Variants in CMPK1 observed in about 807,000 individuals in gnomAD.
CMPK1 encodes the protein cytidine/uridine monophosphate kinase 1.
In CMPK1, 10 loss-of-function variants were observed where a neutral mutation model predicts 25.7. The ratio of observed to expected loss-of-function variants is 0.39; its 90% CI spans 0.24 to 0.66. The LOEUF (loss-of-function observed/expected upper bound fraction) is 0.66. Among genes scored for constraint, CMPK1 ranks in the 30% least tolerant of loss-of-function variants. The pLI, the probability that CMPK1 is intolerant of heterozygous loss-of-function variation, is 0.48. For synonymous variants in CMPK1, 106 were observed against 101.5 expected (o/e 1.04, Z -0.27); for missense variants, 199 against 280.5 (o/e 0.71, Z 2.08).
At chr1:47,363,937 C>T (rs1367339453) in intron 1 of CMPK1, among the ~76,000 whole-genome samples, 6 of 151,124 alleles carry the variant, frequency 4.0e-5, no homozygotes, top group African/African-American at 1.4e-4. Context: ...ACCGAGATTC[C>T]GTCTAAAAGG....
In CMPK1 at chr1:47,334,031, C is replaced by T. The variant is rs551791701; in HGVS notation, c.86C>T (p.Ser29Phe). ...ACCCGCCGGCCGATTCTCCTCTGCTCTCCACGTCTCATGAAGCCGCTGGTC... is the reference window on the plus strand; with the variant it reads ...ACCCGCCGGCCGATTCTCCTCTGCTTTCCACGTCTCATGAAGCCGCTGGTC... ...LQTRRPILLC[S>F]PRLMKPLVVF... Residue 29 changes from serine (S) to phenylalanine (F), a missense_variant, in exon 1 of 6, where the codon TCT (serine) becomes TTT (phenylalanine). Physicochemically the swap from Ser to Phe is radical, Grantham distance 155. Transcript: ENST00000371873. The T allele has an allele frequency of 2.6e-6, 4 of 1,556,080 alleles. No individual in the cohort carries two copies. Among genetic ancestry groups the T allele is most frequent in the East Asian group, 2.4e-5 (1 of 41,124 alleles).
intron 1 of CMPK1, chr1:47,358,946 T>G (rs955485084): frequency 1.3e-5 from 13 of 985,062 alleles, no homozygotes; most frequent in Admixed American, 1.2e-4. Flanking sequence ...GTTGAATCTT[T>G]TGGGCCAACT....
chr1:47,376,176 A>G (rs1381045682), intron 5 of CMPK1, among the ~76,000 whole-genome samples: 2 of 151,904 alleles, frequency 1.3e-5, no homozygotes, highest in Non-Finnish European at 2.9e-5. Context: ...TATTATTTAT[A>G]TAATATTACT....
intron 1 of CMPK1, among the ~76,000 whole-genome samples, chr1:47,356,620 ATAAT>A (rs1462233910): frequency 8.6e-5 from 13 of 150,314 alleles, no homozygotes; most frequent in African/African-American, 3.2e-4. Context: ...GGAAAACTGA[ATAAT>A]TACAGTATGA....
At chr1:47,348,165 T>C (rs936449240) in intron 1 of CMPK1, among the ~76,000 whole-genome samples, 1 of 152,072 alleles carries the variant, frequency 6.6e-6, no homozygotes, top group Admixed American at 6.6e-5. Flanking sequence ...ATTAGAGAAA[T>C]CAATCTAGTA....
chr1:47,368,687 C>G, intron 2 of CMPK1, 72 bp downstream of exon 2: 1 of 1,340,060 alleles, frequency 7.5e-7, no homozygotes, highest in Non-Finnish European at 9.9e-7. Flanking sequence ...TTTGGCCAGG[C>G]AGTTGCTCAT....
rs10623948 is a variant in CMPK1, at chr1:47,365,633, C to CAAAAAAAAAAAA, written c.172-2830_172-2819dup. Reference sequence around the variant, plus strand: ...TGGGTGACAGAGTGAGACCCTGTCTCAAAAAAAAAAAAAAAAAGTGAGAGA... The same window carrying CAAAAAAAAAAAA: ...TGGGTGACAGAGTGAGACCCTGTCTCAAAAAAAAAAAAAAAAAAAAAAAAAAAAAGTGAGAGA... On this transcript the variant is annotated intron_variant, in intron 1 of 5. Transcript: ENST00000371873. 1.5e-3 allele frequency among the ~76,000 whole-genome samples: 158 copies of CAAAAAAAAAAAA among 108,176 alleles called. 3 individuals are homozygous for CAAAAAAAAAAAA. The highest frequency in any genetic ancestry group is 0.01 in the Middle Eastern group (2 of 198). 71.0% of individuals were successfully genotyped at this position (108,176 alleles called of 152,430 possible). A position where few individuals can be genotyped will look rare whatever the true frequency, so the allele number is the denominator to read the frequency against.
At chr1:47,360,692 C>T (rs554311453) in intron 1 of CMPK1, among the ~76,000 whole-genome samples, 3 of 152,312 alleles carry the variant, frequency 2.0e-5, no homozygotes, top group African/African-American at 7.2e-5. Context: ...AACCCTTTTC[C>T]TTCCTCTGTG....
intron 1 of CMPK1, among the ~76,000 whole-genome samples, chr1:47,335,874 C>T (rs1448853154): frequency 1.3e-5 from 2 of 151,860 alleles, no homozygotes; most frequent in African/African-American, 4.8e-5. Context: ...AGCGATTTTC[C>T]TGCCTCAGCC....
At chr1:47,361,840 T>C (rs1646604858) in intron 1 of CMPK1, among the ~76,000 whole-genome samples, 1 of 151,550 alleles carries the variant, frequency 6.6e-6, no homozygotes, top group African/African-American at 2.4e-5. Flanking sequence ...CTTTTTCTCC[T>C]TTCTAGGATA....
intron 1 of CMPK1, among the ~76,000 whole-genome samples, chr1:47,339,810 C>G (rs946322917): frequency 6.7e-6 from 1 of 149,306 alleles, no homozygotes; most frequent in Non-Finnish European, 1.5e-5. Context: ...CGGGTTCAAG[C>G]GATTCTCCTC....
chr1:47,346,529 A>G (rs543623627), intron 1 of CMPK1, among the ~76,000 whole-genome samples: 42 of 146,202 alleles, frequency 2.9e-4, no homozygotes, highest in Middle Eastern at 7.1e-3. Context: ...TTTGAGTCGG[A>G]GTTTCACTCT....
rs571384093 is a variant in CMPK1 at position 47,369,892 on chromosome 1, C to T, written c.318+1277C>T. 8.4e-3 allele frequency among the ~76,000 whole-genome samples: 1,081 copies of T among 128,374 alleles called. 13 individuals are homozygous for T. Among genetic ancestry groups the T allele is most frequent in the African/African-American group, 0.029 (1,013 of 34,634 alleles). The allele number at this position is 128,374 out of a possible 152,430, so 84.2% of individuals were successfully genotyped here. On this transcript the variant is annotated intron_variant, in intron 2 of 5. Transcript: ENST00000371873. Reference sequence around the variant, plus strand: ...TTTTTTTTTTTAAATAAACCTCTTTCTTTCTTCTTTCTCTCTCTTTTTTTT... The same window carrying T: ...TTTTTTTTTTTAAATAAACCTCTTTTTTTCTTCTTTCTCTCTCTTTTTTTT...
intron 1 of CMPK1, among the ~76,000 whole-genome samples, chr1:47,345,383 T>C (rs1253728166): frequency 2.0e-5 from 3 of 152,116 alleles, no homozygotes; most frequent in Non-Finnish European, 4.4e-5. Context: ...AGTAAGTAAT[T>C]AGGTCTAAAC....
At chr1:47,360,769 C>T (rs900288258) in intron 1 of CMPK1, among the ~76,000 whole-genome samples, 1 of 152,090 alleles carries the variant, frequency 6.6e-6, no homozygotes, top group Non-Finnish European at 1.5e-5. Context: ...CGAAGTGTTG[C>T]CTGAATTAAG....
intron 2 of CMPK1, among the ~76,000 whole-genome samples, chr1:47,370,677 G>A (rs569295876): frequency 5.4e-4 from 80 of 149,384 alleles, no homozygotes; most frequent in Admixed American, 4.5e-3. Context: ...GGTGGCTCAC[G>A]CCTGTAATCC....
chr1:47,339,130 C>T (rs980915280), intron 1 of CMPK1, among the ~76,000 whole-genome samples: 6 of 151,490 alleles, frequency 4.0e-5, no homozygotes, highest in African/African-American at 1.5e-4. Flanking sequence ...ACTGCAACCT[C>T]CGCCTCCTGG....
intron 1 of CMPK1, among the ~76,000 whole-genome samples, chr1:47,337,700 A>G (rs1051937070): frequency 1.3e-5 from 2 of 148,808 alleles, no homozygotes; most frequent in Non-Finnish European, 3.0e-5. Flanking sequence ...TGCAGCCTCC[A>G]TCTTCTGGAT....
At chr1:47,351,741 GTTTA>G (rs1646523763) in intron 1 of CMPK1, among the ~76,000 whole-genome samples, 1 of 151,760 alleles carries the variant, frequency 6.6e-6, no homozygotes, top group African/African-American at 2.4e-5. Context: ...CTTCACCAAT[GTTTA>G]TTTTTTTTGT....
Sources: allele counts gnomAD v4.1 joint callset (sites outside exome capture counted in the v4.1 genomes callset), GRCh38; gene constraint gnomAD v4.1.1; transcripts MANE v1.5; gene names NCBI Gene and HGNC (gene_info 2026-07-23, HGNC 2026-07-21).